Variants in SH2B3 observed in about 807,000 individuals in gnomAD.
SH2B3 encodes the protein SH2B adapter protein 3.
SH2B3 carries 43 observed loss-of-function variants against 51.9 expected under a neutral mutation model. The observed-to-expected ratio is 0.83, with a 90% CI of 0.65 to 1.07. The LOEUF (loss-of-function observed/expected upper bound fraction) is 1.07. Among genes scored for constraint, SH2B3 ranks in the 50% least tolerant of loss-of-function variants. The pLI is 0.00. For missense variants in SH2B3, 952 were observed against 834.3 expected (o/e 1.14, Z -1.74); for synonymous variants, 396 against 376.0 (o/e 1.05, Z -0.62).
chr12:111,435,165 C>A lies in SH2B3; in HGVS notation c.733-11588C>A. On this transcript the variant is annotated intron_variant, in intron 2 of 7. Transcript: ENST00000341259. This position sits in a 1 kb window ranked among gnomAD's most constrained non-coding sequence, Gnocchi z 4.8. ...TCTTAACCACATCTTTTTCCACCCA[C>A]ACCCGGTGCAGAGCAGATGCTTGGC... 1 of 712,858 alleles carries A rather than the reference C, an allele frequency of 1.4e-6. No individual in the cohort carries two copies. Among genetic ancestry groups the A allele is most frequent in the Non-Finnish European group, 2.3e-6 (1 of 435,618 alleles). The allele number at this position is 712,858 out of a possible 1,614,324, so 44.2% of individuals were successfully genotyped here. A position where few individuals can be genotyped will look rare whatever the true frequency, so the allele number is the denominator to read the frequency against.
intron 2 of SH2B3, among the ~76,000 whole-genome samples, chr12:111,446,172 G>C (rs1873935519): frequency 6.6e-6 from 1 of 152,356 alleles, no homozygotes; most frequent in Middle Eastern, 3.4e-3. Context: ...GGAAGCAGCT[G>C]GCTCCTTGGC....
At chr12:111,439,440 G>A (rs189073797) in intron 2 of SH2B3, among the ~76,000 whole-genome samples, 208 of 152,082 alleles carry the variant, frequency 1.4e-3, no homozygotes, top group Admixed American at 3.5e-3. Flanking sequence ...GTGAGCCACC[G>A]CACCTGGCCT....
chr12:111,442,944 C>G (rs1199656982), intron 2 of SH2B3, among the ~76,000 whole-genome samples: 4 of 152,244 alleles, frequency 2.6e-5, no homozygotes, highest in Admixed American at 6.5e-5. Flanking sequence ...AGACCCCACT[C>G]AAGCTGGTTA....
At chr12:111,446,885 C>A (rs750669867) in intron 3 of SH2B3, 31 bp downstream of exon 3, 2 of 1,601,860 alleles carry the variant, frequency 1.2e-6, no homozygotes, top group Admixed American at 1.7e-5. Flanking sequence ...CACCCTGGGG[C>A]AATACAAATA....
chr12:111,420,101 C>T (rs1871413291), intron 2 of SH2B3, among the ~76,000 whole-genome samples: 1 of 152,184 alleles, frequency 6.6e-6, no homozygotes, highest in Non-Finnish European at 1.5e-5. Context: ...TGTTTTATTT[C>T]CAGAGGGCTC....
Position 111,418,687 on chromosome 12 carries a change from A to T in SH2B3, c.542A>T (p.Lys181Met), listed in dbSNP as rs1003974623. The change falls in exon 2 of 8, where the codon AAG becomes ATG. Residue 181 changes from lysine (K) to methionine (M), a missense_variant. Lys to Met is a moderately conservative substitution (Grantham distance 95, BLOSUM62 -1). Transcript: ENST00000341259. This position sits in a 1 kb window ranked among gnomAD's most constrained non-coding sequence, Gnocchi z 6.7. ...ETPARPGLAKKFLPWSLAREP... is the reference protein window; with the variant it reads ...ETPARPGLAKMFLPWSLAREP... ...CCCGCCCGGCCTGGCCTGGCCAAGA[A>T]GTTCCTGCCCTGGAGCCTGGCCCGG... The T allele has an allele frequency of 6.7e-7, 1 of 1,490,194 alleles. No homozygotes were observed. Among genetic ancestry groups the T allele is most frequent in the Non-Finnish European group, 8.9e-7 (1 of 1,127,998 alleles). 92.3% of individuals were successfully genotyped at this position (1,490,194 alleles called of 1,614,324 possible).
chr12:111,416,516 C>T (rs548887010), intron 1 of SH2B3, among the ~76,000 whole-genome samples: 6 of 151,552 alleles, frequency 4.0e-5, no homozygotes, highest in Middle Eastern at 3.4e-3. Context: ...TGTTTTGAGA[C>T]GGGGTCTTGC....
At chr12:111,416,235 C>T (rs1486548928) in intron 1 of SH2B3, among the ~76,000 whole-genome samples, 3 of 152,168 alleles carry the variant, frequency 2.0e-5, no homozygotes, top group African/African-American at 7.2e-5. Flanking sequence ...AGCCACCGTG[C>T]CCGGCCCTAT....
chr12:111,437,646 C>T (rs902374263), intron 2 of SH2B3, among the ~76,000 whole-genome samples: 2 of 152,168 alleles, frequency 1.3e-5, no homozygotes, highest in Admixed American at 6.5e-5. Context: ...AGGGGCCAGG[C>T]TTGGGGTCCT....
chr12:111,447,954 G>GT, intron 7 of SH2B3, 29 bp from the exon 8 acceptor site: 1 of 1,570,304 alleles, frequency 6.4e-7, no homozygotes, highest in Non-Finnish European at 8.7e-7. Flanking sequence ...AAGACTGATG[G>GT]TGTGGTCTCT....
At chr12:111,439,890 C>T (rs529618054) in intron 2 of SH2B3, among the ~76,000 whole-genome samples, 6 of 152,314 alleles carry the variant, frequency 3.9e-5, no homozygotes, top group African/African-American at 1.4e-4. Context: ...TGTGAATACC[C>T]CTTTCCCCCA....
At chr12:111,436,466 G>A (rs1366553034) in intron 2 of SH2B3, among the ~76,000 whole-genome samples, 2 of 152,176 alleles carry the variant, frequency 1.3e-5, no homozygotes, top group African/African-American at 4.8e-5. Flanking sequence ...TAGCCGACTC[G>A]AGAGTAGAAG....
chr12:111,405,694 G>A (rs763506765), upstream of SH2B3, among the ~76,000 whole-genome samples: 1 of 152,196 alleles, frequency 6.6e-6, no homozygotes, highest in Non-Finnish European at 1.5e-5. The surrounding 1 kb of genome is among the most constrained non-coding windows in gnomAD (Gnocchi z 5.4). Context: ...GCAAGGCCTC[G>A]CCTTTTTCCG....
intron 2 of SH2B3, among the ~76,000 whole-genome samples, chr12:111,426,880 T>C (rs10849947): frequency 0.38 from 57,697 of 151,884 alleles, 15,038 homozygotes; most frequent in East Asian, 0.9. Context: ...AGACAGGAAC[T>C]CTTGATCCCA....
Position 111,418,390 on chromosome 12 carries a change from G to T in SH2B3, c.245G>T (p.Gly82Val). 6.7e-7 allele frequency: 1 copy of T among 1,502,010 alleles called. No homozygotes were observed. 93.0% of individuals were successfully genotyped at this position (1,502,010 alleles called of 1,614,324 possible). The change falls in exon 2 of 8, where the codon GGA (glycine) becomes GTA (valine). Residue 82 changes from glycine to valine, a missense_variant. Transcript: ENST00000341259. This position sits in a 1 kb window ranked among gnomAD's most constrained non-coding sequence, Gnocchi z 6.7. The stretch of plus-strand genomic sequence containing the variant: ...TACTTCTGCCGCGAGGTGCGCGACG[G>T]ACGGGCGCCGGGCCGCGACTACCGG... ...QRYFCREVRD[G>V]RAPGRDYRDT...
intron 2 of SH2B3, among the ~76,000 whole-genome samples, chr12:111,419,438 AC>A (rs1341601371): frequency 6.6e-6 from 1 of 152,194 alleles, no homozygotes; most frequent in East Asian, 1.9e-4. Flanking sequence ...GGGGTTCAAG[AC>A]CAGTCTGGCC....
intron 1 of SH2B3, among the ~76,000 whole-genome samples, chr12:111,411,941 G>A (rs1001086901): frequency 1.3e-5 from 2 of 152,228 alleles, no homozygotes. Flanking sequence ...GCCTGAGCAG[G>A]TGAGGGGGGT....
At position 111,438,487 on chromosome 12, in the gene SH2B3, TG is replaced by T. The variant is rs1873093343; in HGVS notation, c.733-8262del. Among the ~76,000 whole-genome samples, 1 of 152,144 alleles carries T rather than the reference TG, an allele frequency of 6.6e-6. No individual in the cohort carries two copies. Among genetic ancestry groups the T allele is most frequent in the Non-Finnish European group, 1.5e-5 (1 of 68,008 alleles). ...CATCCCTATCACTCATGGTCTTCAC[TG>T]GGGTGGGGGATGGCAGTAGGGGCAA... is the stretch of plus-strand genomic sequence containing the variant. On this transcript the variant is annotated intron_variant, in intron 2 of 7. Coordinates refer to ENST00000341259, the MANE Select transcript of SH2B3 (RefSeq NM_005475.3). This position sits in a 1 kb window ranked among gnomAD's most constrained non-coding sequence, Gnocchi z 4.2.
rs1872787989 is a variant in SH2B3, at chr12:111,435,492, C to T, written c.733-11261C>T. Among the ~76,000 whole-genome samples the T allele has an allele frequency of 6.6e-6, 1 of 152,250 alleles. No homozygotes were observed. Among genetic ancestry groups the T allele is most frequent in the Non-Finnish European group, 1.5e-5 (1 of 68,040 alleles). On this transcript the variant is annotated intron_variant, in intron 2 of 7. Transcript: ENST00000341259. This position sits in a 1 kb window ranked among gnomAD's most constrained non-coding sequence, Gnocchi z 4.8. ...TCTCGTGCCTCAGCCTCCTGAGTAG[C>T]TGGGACTACACATGCACCACCACGC...
Sources: gnomAD v4.1 joint callset for allele counts (sites outside exome capture counted in the v4.1 genomes callset) on GRCh38, gnomAD v4.1.1 for gene constraint, Gnocchi (gnomAD v3.1) non-coding constraint, MANE v1.5 for transcripts, NCBI Gene and HGNC (gene_info 2026-07-23, HGNC 2026-07-21) for gene names.